BTBD9: variants seen among roughly 807,000 people sequenced by gnomAD.
The protein encoded by BTBD9 is BTB/POZ domain-containing protein 9.
Under a neutral mutation model 64.3 loss-of-function variants are expected in BTBD9, and 49 were observed. That is an observed-to-expected ratio of 0.76 (90% confidence interval 0.61 to 0.97). The LOEUF is 0.97. Among genes scored for constraint, BTBD9 ranks in the 50% least tolerant of loss-of-function variants. The pLI, the probability that BTBD9 is intolerant of heterozygous loss-of-function variation, is 0.00. For missense variants in BTBD9, 598 were observed against 762.1 expected, an observed-to-expected ratio of 0.78 and a Z score of 2.53; for synonymous variants, 260 against 274.7, an observed-to-expected ratio of 0.95 and a Z score of 0.53.
intron 6 of BTBD9, among the ~76,000 whole-genome samples, chr6:38,461,286 GT>G (rs1644454816): frequency 6.6e-6 from 1 of 152,092 alleles, no homozygotes; most frequent in Non-Finnish European, 1.5e-5. Flanking sequence ...CACCCCAAAA[GT>G]TTCCTTGTGC....
chr6:38,607,876 G>A (rs1374100871), intron 1 of BTBD9, among the ~76,000 whole-genome samples: 3 of 151,652 alleles, frequency 2.0e-5, no homozygotes, highest in Non-Finnish European at 4.4e-5. Context: ...CCTTTCCCAA[G>A]TAACTATGAA....
rs771737210 is a variant in BTBD9, at chr6:38,222,254, G to GTTTTTTTTTTTTTTTTTTTTTTTT, written c.1563-29658_1563-29657insAAAAAAAAAAAAAAAAAAAAAAAA. Among the ~76,000 whole-genome samples, 2 of 96,702 alleles carry GTTTTTTTTTTTTTTTTTTTTTTTT rather than the reference G, an allele frequency of 2.1e-5. 1 individual carries two copies. 63.4% of individuals were successfully genotyped at this position (96,702 alleles called of 152,430 possible). The stretch of plus-strand genomic sequence containing the variant: ...TAAATTAGCCTTAATAATTCATTCA[G>GTTTTTTTTTTTTTTTTTTTTTTTT]TTGTTTTTTTTTTTTTTTTTTTTTT... On this transcript the variant is annotated intron_variant, in intron 9 of 10. Coordinates refer to ENST00000481247, the MANE Select transcript of BTBD9 (RefSeq NM_001099272.2).
At chr6:38,385,094 A>G (rs1766094882) in intron 6 of BTBD9, among the ~76,000 whole-genome samples, 1 of 150,768 alleles carries the variant, frequency 6.6e-6, no homozygotes, top group Non-Finnish European at 1.5e-5. Flanking sequence ...CTACAGAAAT[A>G]TGAACAAGGT....
chr6:38,227,775 A>G (rs901330567), intron 9 of BTBD9, among the ~76,000 whole-genome samples: 1 of 152,194 alleles, frequency 6.6e-6, no homozygotes, highest in Non-Finnish European at 1.5e-5. Flanking sequence ...GAACTCAGGG[A>G]TCTTGTGCTC....
intron 8 of BTBD9, among the ~76,000 whole-genome samples, chr6:38,276,903 T>A (rs1286044823): frequency 6.6e-6 from 1 of 152,236 alleles, no homozygotes; most frequent in Non-Finnish European, 1.5e-5. Flanking sequence ...AATGTAGGTA[T>A]GCCGTAAAAT....
At chr6:38,203,782 G>A (rs934620672) in intron 9 of BTBD9, among the ~76,000 whole-genome samples, 1 of 151,436 alleles carries the variant, frequency 6.6e-6, no homozygotes, top group Non-Finnish European at 1.5e-5. Context: ...TGAAGAAAGG[G>A]GGGTGAATAG....
At chr6:38,239,175 A>G (rs7356904) in intron 9 of BTBD9, among the ~76,000 whole-genome samples, 15,550 of 152,094 alleles carry the variant, frequency 0.1, 1,187 homozygotes, top group East Asian at 0.45. Context: ...GCTCATGCCC[A>G]TAATCCCTGT....
chr6:38,343,234 T>C (rs1043803378), intron 7 of BTBD9, among the ~76,000 whole-genome samples: 15 of 152,246 alleles, frequency 9.9e-5, no homozygotes, highest in African/African-American at 3.6e-4. Flanking sequence ...CTGATGATGC[T>C]GACTAGTTCA....
At chr6:38,214,499 AG>A (rs1211792084) in intron 9 of BTBD9, among the ~76,000 whole-genome samples, 21 of 152,360 alleles carry the variant, frequency 1.4e-4, no homozygotes, top group African/African-American at 4.6e-4. Context: ...CAAGACAGGC[AG>A]GGGGATCAGC....
chr6:38,373,906 C>T (rs1040521143), intron 6 of BTBD9, among the ~76,000 whole-genome samples: 1 of 152,090 alleles, frequency 6.6e-6, no homozygotes, highest in East Asian at 1.9e-4. Context: ...AAAGGATATA[C>T]AGATATTAAG....
intron 6 of BTBD9, among the ~76,000 whole-genome samples, chr6:38,505,862 G>A (rs1433335436): frequency 2.0e-5 from 3 of 150,166 alleles, no homozygotes; most frequent in Non-Finnish European, 3.0e-5. Context: ...CTACTCAGGA[G>A]GCTGAGGCGG....
chr6:38,202,341 A>C (rs1044869918), intron 9 of BTBD9, among the ~76,000 whole-genome samples: 3 of 151,968 alleles, frequency 2.0e-5, no homozygotes, highest in Admixed American at 2.0e-4. Flanking sequence ...TCGGCCTCCC[A>C]AAGTGCTGGG....
chr6:38,381,015 G>A (rs1765909872), intron 6 of BTBD9, among the ~76,000 whole-genome samples: 1 of 151,670 alleles, frequency 6.6e-6, no homozygotes, highest in Admixed American at 6.6e-5. Flanking sequence ...TCAGAAACCA[G>A]AAAGAAGAAA....
chr6:38,524,513 ACC>A (rs1352145097), intron 6 of BTBD9, among the ~76,000 whole-genome samples: 1 of 152,182 alleles, frequency 6.6e-6, no homozygotes, highest in Non-Finnish European at 1.5e-5. Context: ...AGCTACCTTG[ACC>A]ACAAAATTAT....
At chr6:38,487,690 GAAAAGAAAAGAA>G (rs1250372673) in intron 6 of BTBD9, among the ~76,000 whole-genome samples, 3 of 149,300 alleles carry the variant, frequency 2.0e-5, no homozygotes, top group Non-Finnish European at 4.4e-5. Context: ...GAAAGGAAAA[GAAAAGAAAAGAA>G]AAAAGAAAGG....
intron 7 of BTBD9, among the ~76,000 whole-genome samples, chr6:38,313,213 T>C (rs914451988): frequency 1.3e-5 from 2 of 152,222 alleles, no homozygotes; most frequent in Admixed American, 6.5e-5. Flanking sequence ...CATAAGCATA[T>C]AAAAATGCTA....
chr6:38,544,863 G>A (rs961366562), intron 6 of BTBD9, among the ~76,000 whole-genome samples: 3 of 142,436 alleles, frequency 2.1e-5, no homozygotes, highest in Non-Finnish European at 4.5e-5. Flanking sequence ...GGAGGCAGAG[G>A]TTGCAGTGAG....
At chr6:38,367,567 G>T (rs1448833987) in intron 6 of BTBD9, among the ~76,000 whole-genome samples, 1 of 151,994 alleles carries the variant, frequency 6.6e-6, no homozygotes, top group African/African-American at 2.4e-5. Context: ...ATTATTCAGT[G>T]GAGGAAATTA....
At chr6:38,302,481 GTATGTATATATA>G (rs1260537442) in intron 7 of BTBD9, among the ~76,000 whole-genome samples, 2 of 59,388 alleles carry the variant, frequency 3.4e-5, no homozygotes, top group African/African-American at 1.3e-4. Context: ...TCCATTGTGT[GTATGTATATATA>G]TATATATATA....
Sources: gnomAD v4.1 joint callset for allele counts (sites outside exome capture counted in the v4.1 genomes callset) on GRCh38, gnomAD v4.1.1 for gene constraint, MANE v1.5 for transcripts, NCBI Gene and HGNC (gene_info 2026-07-23, HGNC 2026-07-21) for gene names.